Variants in ATRN observed in about 807,000 individuals in gnomAD.
ATRN encodes the protein attractin, also known as attractin-2.
A neutral mutation model predicts 178.7 loss-of-function variants in ATRN; 54 were observed. That is an observed-to-expected ratio of 0.30 (90% confidence interval 0.24 to 0.38). The LOEUF is 0.38. Among genes scored for constraint, ATRN ranks in the 10% least tolerant of loss-of-function variants. The probability of loss-of-function intolerance (pLI) is 1.00; values close to 1 mark genes in which losing one functional copy is unlikely to be tolerated. For missense variants in ATRN, 1,443 were observed against 1,815.1 expected (o/e 0.79, Z 3.73); for synonymous variants, 636 against 663.0 (o/e 0.96, Z 0.63).
intron 24 of ATRN, among the ~76,000 whole-genome samples, chr20:3,620,839 A>G (rs757459029): frequency 6.6e-6 from 1 of 152,352 alleles, no homozygotes; most frequent in Non-Finnish European, 1.5e-5. Flanking sequence ...TCCTCTTCTC[A>G]GGATGTCTGT....
chr20:3,565,508 C>G lies in ATRN; in HGVS notation c.1871+76C>G, dbSNP rs527481224. The G allele has an allele frequency of 3.3e-5, 43 of 1,295,128 alleles. No individual in the cohort carries two copies. In the South Asian group the frequency reaches 5.2e-4, roughly 16 times the overall value. The allele number at this position is 1,295,128 out of a possible 1,614,324, so 80.2% of individuals were successfully genotyped here. A position where few individuals can be genotyped will look rare whatever the true frequency, so the allele number is the denominator to read the frequency against. ...AAGGGCCGGGCACGGTGGCTCACGC[C>G]TGTAATTCTGGCACTTTGGGAGGCC... On this transcript the variant is annotated intron_variant, in intron 11 of 28. Transcript: ENST00000262919.
At chr20:3,528,464 A>G (rs1188842415) in intron 1 of ATRN, among the ~76,000 whole-genome samples, 1 of 152,182 alleles carries the variant, frequency 6.6e-6, no homozygotes, top group Admixed American at 6.5e-5. Context: ...CAGGGAGGCC[A>G]TTATTCTAAG....
chr20:3,555,299 G>A (rs953364846), intron 6 of ATRN, among the ~76,000 whole-genome samples: 2 of 151,984 alleles, frequency 1.3e-5, no homozygotes, highest in African/African-American at 2.4e-5. Context: ...CACCGCGCCC[G>A]GCCGACCTGA....
In ATRN at chr20:3,631,637, A is replaced by G. The variant is rs536697847; in HGVS notation, c.3864-2674A>G. Among the ~76,000 whole-genome samples the G allele has an allele frequency of 3.9e-5, 6 of 152,200 alleles. No homozygotes were observed. The South Asian group carries it at 1.2e-3, about 32-fold the overall frequency. On this transcript the variant is annotated intron_variant, in intron 25 of 28. Coordinates refer to ENST00000262919, the MANE Select transcript of ATRN (RefSeq NM_139321.3). ...TGTTGTCAACAGATCTTCACTGAAT[A>G]CAGAAGGGCCCTCTCACCTTCCCTG...
chr20:3,615,810 G>A (rs774072442), intron 24 of ATRN: 11 of 454,446 alleles, frequency 2.4e-5, no homozygotes, highest in South Asian at 1.2e-4. Context: ...ACTGAACACC[G>A]CTTGTTCTCA....
intron 1 of ATRN, among the ~76,000 whole-genome samples, chr20:3,498,685 A>G (rs1303562220): frequency 6.6e-6 from 1 of 152,118 alleles, no homozygotes; most frequent in East Asian, 1.9e-4. Flanking sequence ...ACGTATTTCA[A>G]AATAATAAGA....
At chr20:3,527,227 AG>A (rs1293267240) in intron 1 of ATRN, among the ~76,000 whole-genome samples, 1 of 152,192 alleles carries the variant, frequency 6.6e-6, no homozygotes, top group African/African-American at 2.4e-5. Context: ...CAAATTTACA[AG>A]AAAAAAAGCA....
chr20:3,582,205 T>A lies in ATRN; in HGVS notation c.2615T>A (p.Met872Lys). ...GTGTCCTACTGGTGCTGGGAAGATA[T>A]GTCCCCATTTACAAATAGTTTACTA... ...INVSYWCWED[M>K]SPFTNSLLQW... is the part of the protein sequence containing the mutation. The change falls in exon 16 of 29, where the codon ATG (methionine) becomes AAG (lysine). Residue 872 changes from methionine (M) to lysine (K), a missense_variant. Physicochemically the swap from Met to Lys is moderately conservative, Grantham distance 95 (BLOSUM62 -1). Transcript: ENST00000262919. 6.2e-7 allele frequency: 1 copy of A among 1,614,196 alleles called. No individual in the cohort carries two copies. The highest frequency in any genetic ancestry group is 1.3e-5 in the African/African-American group (1 of 75,056).
At chr20:3,490,823 A>G (rs1365289351) in intron 1 of ATRN, 4 of 807,950 alleles carry the variant, frequency 5.0e-6, no homozygotes, top group African/African-American at 3.4e-5. Flanking sequence ...TTCATAATCC[A>G]TCTTTATCAT....
Position 3,545,818 on chromosome 20 carries a change from C to T in ATRN, c.665C>T (p.Thr222Ile). Residue 222 changes from threonine to isoleucine, a missense_variant, in exon 4 of 29, where the codon ACA becomes ATA. Coordinates refer to ENST00000262919, the MANE Select transcript of ATRN (RefSeq NM_139321.3). ...GNETVPEVVA[T>I]SGYALLHFFS... ...GAGACTGTCCCTGAGGTTGTTGCCA[C>T]ATCAGGTTATGCCTTGCTGCATTTT... The T allele has an allele frequency of 6.2e-7, 1 of 1,614,110 alleles. No individual in the cohort carries two copies. The highest frequency in any genetic ancestry group is 8.5e-7 in the Non-Finnish European group (1 of 1,179,960).
intron 6 of ATRN, among the ~76,000 whole-genome samples, chr20:3,558,253 C>T (rs1183645617): frequency 2.0e-5 from 3 of 152,056 alleles, no homozygotes; most frequent in Non-Finnish European, 4.4e-5. Flanking sequence ...GCTATTTTAG[C>T]TTAACATTGT....
At chr20:3,573,334 C>G (rs1043436927) in intron 12 of ATRN, among the ~76,000 whole-genome samples, 4 of 152,182 alleles carry the variant, frequency 2.6e-5, no homozygotes, top group African/African-American at 9.7e-5. Flanking sequence ...CATGGGCTAT[C>G]AGATACTTGA....
intron 10 of ATRN, among the ~76,000 whole-genome samples, chr20:3,564,096 A>C (rs2085995188): frequency 6.6e-6 from 1 of 152,232 alleles, no homozygotes; most frequent in Non-Finnish European, 1.5e-5. Flanking sequence ...GATTTTGACT[A>C]TTCCAAGTCA....
At chr20:3,518,389 GA>G (rs893618917) in intron 1 of ATRN, among the ~76,000 whole-genome samples, 11 of 152,242 alleles carry the variant, frequency 7.2e-5, no homozygotes, top group African/African-American at 2.4e-4. Context: ...TATGCTATGT[GA>G]AAAAAGCCAA....
intron 24 of ATRN, among the ~76,000 whole-genome samples, chr20:3,609,859 G>A (rs1272846674): frequency 6.6e-6 from 1 of 152,106 alleles, no homozygotes; most frequent in Non-Finnish European, 1.5e-5. Context: ...GTTGCAAGAG[G>A]ACAAATATTG....
chr20:3,634,373 C>T lies in ATRN; in HGVS notation c.3926C>T (p.Ala1309Val), dbSNP rs746761952. The T allele has an allele frequency of 1.2e-6, 2 of 1,612,504 alleles. No homozygotes were observed. The highest frequency in any genetic ancestry group is 1.7e-5 in the Admixed American group (1 of 60,004). ...VVWKIKQSCWASRRREQLLRE... is the reference protein window; with the variant it reads ...VVWKIKQSCWVSRRREQLLRE... Reference sequence around the variant, plus strand: ...TGGAAGATCAAACAAAGTTGTTGGGCCTCCAGACGTAGAGAGGTAAGCTTC... The same window carrying T: ...TGGAAGATCAAACAAAGTTGTTGGGTCTCCAGACGTAGAGAGGTAAGCTTC... The change falls in exon 26 of 29, where the codon GCC (alanine) becomes GTC (valine). Residue 1309 changes from alanine to valine, a missense_variant. Ala to Val is a moderately conservative substitution (Grantham distance 64). Around this residue, in one of 4 missense-constraint regions of ATRN, gnomAD observed 289 missense variants for 440.8 expected, o/e 0.66. Coordinates refer to ENST00000262919, the MANE Select transcript of ATRN (RefSeq NM_139321.3).
intron 27 of ATRN, among the ~76,000 whole-genome samples, chr20:3,639,888 C>T (rs545868955): frequency 2.0e-5 from 3 of 152,098 alleles, no homozygotes; most frequent in South Asian, 2.1e-4. Flanking sequence ...GTAAACACAA[C>T]ACCCACCTGA....
intron 24 of ATRN, 31 bp from the exon 25 acceptor site, chr20:3,624,480 C>T (rs2086921339): frequency 6.3e-7 from 1 of 1,576,616 alleles, no homozygotes; most frequent in Non-Finnish European, 8.7e-7. Context: ...TCATGACCTG[C>T]ATAATCACAC....
At chr20:3,552,060 C>G (rs2085795102) in intron 6 of ATRN, among the ~76,000 whole-genome samples, 1 of 152,196 alleles carries the variant, frequency 6.6e-6, no homozygotes, top group South Asian at 2.1e-4. Flanking sequence ...ATCCTTCCCT[C>G]CTCTTTTAAA....
Sources: allele counts gnomAD v4.1 joint callset (sites outside exome capture counted in the v4.1 genomes callset), GRCh38; gene constraint gnomAD v4.1.1; regional missense constraint gnomAD v4.1.1; transcripts MANE v1.5; gene names NCBI Gene and HGNC (gene_info 2026-07-23, HGNC 2026-07-21).